Variants in COL4A1 observed in about 807,000 individuals in gnomAD.
The protein encoded by COL4A1 is collagen type IV alpha 1 chain, also known as collagen alpha-1(IV) chain.
Under a neutral mutation model 216.6 loss-of-function variants are expected in COL4A1, and 40 were observed. That is an observed-to-expected ratio of 0.18 (90% confidence interval 0.14 to 0.24). COL4A1 has a LOEUF of 0.24. COL4A1 is among the 10% of genes least tolerant of loss of function. The pLI is 1.00. For synonymous variants in COL4A1, 839 were observed against 810.7 expected (o/e 1.03, Z -0.59); for missense variants, 1,628 against 2,196.8 (o/e 0.74, Z 5.18).
At chr13:110,222,641 CG>C (rs1391561120) in intron 2 of COL4A1, among the ~76,000 whole-genome samples, 1 of 146,206 alleles carries the variant, frequency 6.8e-6, no homozygotes, top group Non-Finnish European at 1.5e-5. Flanking sequence ...GGTGTGGTGG[CG>C]GGCACCTGTA....
intron 1 of COL4A1, among the ~76,000 whole-genome samples, chr13:110,270,618 A>G (rs1187243900): frequency 1.3e-5 from 2 of 152,210 alleles, no homozygotes; most frequent in Non-Finnish European, 2.9e-5. Context: ...GCAGATGGGA[A>G]CGAGGTCTCT....
chr13:110,230,845 C>T (rs1029068435), intron 2 of COL4A1, among the ~76,000 whole-genome samples: 1 of 152,202 alleles, frequency 6.6e-6, no homozygotes, highest in African/African-American at 2.4e-5. Context: ...GGCCTCCAGC[C>T]GCCCGGAACC....
At chr13:110,150,577 C>G (rs1876455712) in intron 51 of COL4A1, 133 bp from the exon 52 acceptor site, 1 of 852,486 alleles carries the variant, frequency 1.2e-6, no homozygotes, top group South Asian at 1.4e-5. Flanking sequence ...CTGGTACCAC[C>G]CAGTGAGCAG....
At chr13:110,215,071 A>G (rs1341795627) in intron 2 of COL4A1, among the ~76,000 whole-genome samples, 3 of 152,184 alleles carry the variant, frequency 2.0e-5, no homozygotes, top group South Asian at 2.1e-4. Flanking sequence ...CGCTCAATCA[A>G]TGGAACTCTC....
At position 110,207,260 on chromosome 13, in the gene COL4A1, TG is replaced by T; in HGVS notation, c.780+142del. 1 of 772,536 alleles carries T rather than the reference TG, an allele frequency of 1.3e-6. No individual in the cohort carries two copies. The highest frequency in any genetic ancestry group is 2.2e-6 in the Non-Finnish European group (1 of 448,226). The allele number at this position is 772,536 out of a possible 1,614,324, so 47.9% of individuals were successfully genotyped here. ...TGCTCTCAAAGGGGCTCGTATTTTA[TG>T]GACTGAACAGTCTATAAATCTGTTT... On this transcript the variant is annotated intron_variant, in intron 13 of 51. Coordinates refer to ENST00000375820, the MANE Select transcript of COL4A1 (RefSeq NM_001845.6). The surrounding 1 kb of genome is among the most constrained non-coding windows in gnomAD (Gnocchi z 4.4).
chr13:110,264,972 T>C (rs758365095), intron 1 of COL4A1, among the ~76,000 whole-genome samples: 1 of 152,278 alleles, frequency 6.6e-6, no homozygotes, highest in Non-Finnish European at 1.5e-5. Flanking sequence ...TTTCTTCCCC[T>C]CCTTCCCTGT....
intron 2 of COL4A1, among the ~76,000 whole-genome samples, chr13:110,231,870 G>A (rs1353130368): frequency 6.6e-6 from 1 of 152,190 alleles, no homozygotes; most frequent in Admixed American, 6.5e-5. Flanking sequence ...ACCTAGGAGG[G>A]CAAATTAACC....
intron 1 of COL4A1, among the ~76,000 whole-genome samples, chr13:110,249,568 T>C (rs978960206): frequency 5.9e-5 from 9 of 152,086 alleles, no homozygotes; most frequent in Non-Finnish European, 1.3e-4. Flanking sequence ...CAAGATGACG[T>C]TGGATCCTGG....
Position 110,163,573 on chromosome 13 carries a change from GA to G in COL4A1, c.4151-13del, listed in dbSNP as rs1326277399. The G allele has an allele frequency of 6.2e-7, 1 of 1,609,496 alleles. No individual in the cohort carries two copies. Among genetic ancestry groups the G allele is most frequent in the Non-Finnish European group, 8.5e-7 (1 of 1,176,768 alleles). ...CAATCCTGTAACACCTGAGGCAGAG[GA>G]AAAATAATTTATGATCCTGTATGGC... is the stretch of plus-strand genomic sequence containing the variant. On this transcript the variant is annotated splice_polypyrimidine_tract_variant and intron_variant, in intron 46 of 51. Coordinates refer to ENST00000375820, the MANE Select transcript of COL4A1 (RefSeq NM_001845.6).
At chr13:110,218,783 T>C (rs899860874) in intron 2 of COL4A1, among the ~76,000 whole-genome samples, 1 of 152,174 alleles carries the variant, frequency 6.6e-6, no homozygotes, top group Non-Finnish European at 1.5e-5. Flanking sequence ...GGGACCACGA[T>C]GGCCCTGCTG....
intron 43 of COL4A1, among the ~76,000 whole-genome samples, 199 bp downstream of exon 43, chr13:110,169,430 C>A (rs1297024667): frequency 2.0e-5 from 3 of 149,414 alleles, no homozygotes; most frequent in South Asian, 4.3e-4. Context: ...TACTCTGATG[C>A]CAATAAAGAT....
chr13:110,208,440 G>A (rs1879619738), intron 12 of COL4A1, among the ~76,000 whole-genome samples: 1 of 152,044 alleles, frequency 6.6e-6, no homozygotes, highest in African/African-American at 2.4e-5. Flanking sequence ...GTGAGGGGCC[G>A]CTGCCCACCG....
intron 1 of COL4A1, among the ~76,000 whole-genome samples, chr13:110,257,253 C>T (rs1481731949): frequency 1.3e-5 from 2 of 152,110 alleles, no homozygotes; most frequent in African/African-American, 2.4e-5. Context: ...TACAGAATAA[C>T]GAACATGTGG....
intron 1 of COL4A1, among the ~76,000 whole-genome samples, chr13:110,254,614 T>G (rs1882429855): frequency 2.0e-5 from 3 of 152,196 alleles, no homozygotes; most frequent in Non-Finnish European, 4.4e-5. Context: ...GTAAAACCAG[T>G]GGTGGCAGTA....
At chr13:110,203,462 A>G in intron 18 of COL4A1, 104 bp downstream of exon 18, 1 of 1,310,176 alleles carries the variant, frequency 7.6e-7, no homozygotes. Flanking sequence ...GCTCTCACAG[A>G]CCCAGGGTCC....
intron 1 of COL4A1, among the ~76,000 whole-genome samples, chr13:110,248,000 C>T (rs1881905121): frequency 6.6e-6 from 1 of 152,092 alleles, no homozygotes; most frequent in South Asian, 2.1e-4. Context: ...AGACCTTTAA[C>T]ATCGCAGCTT....
At chr13:110,220,288 C>G (rs1880412657) in intron 2 of COL4A1, among the ~76,000 whole-genome samples, 1 of 152,072 alleles carries the variant, frequency 6.6e-6, no homozygotes, top group Non-Finnish European at 1.5e-5. Context: ...CCTAACCTAC[C>G]CAACATCATA....
rs1247270180 is a variant in COL4A1 at position 110,211,528 on chromosome 13, A to C, written c.468+119T>G. 3 of 898,190 alleles carry C rather than the reference A, an allele frequency of 3.3e-6. No individual in the cohort carries two copies. Among genetic ancestry groups the C allele is most frequent in the Non-Finnish European group, 5.2e-6 (3 of 578,372 alleles). 55.6% of individuals were successfully genotyped at this position (898,190 alleles called of 1,614,324 possible). On this transcript the variant is annotated intron_variant, in intron 8 of 51. Coordinates refer to ENST00000375820, the MANE Select transcript of COL4A1 (RefSeq NM_001845.6). This position sits in a 1 kb window ranked among gnomAD's most constrained non-coding sequence, Gnocchi z 4.3. ...CTTTTCATGTAACAGAGTTTAGGGA[A>C]GTGTGTTCAGAAACAATCGATCAGC...
chr13:110,189,470 T>A (rs1193453731), intron 24 of COL4A1, among the ~76,000 whole-genome samples: 1 of 152,208 alleles, frequency 6.6e-6, no homozygotes, highest in Non-Finnish European at 1.5e-5. Context: ...CATGGACGAC[T>A]ACCAGTGGTC....
Sources: gnomAD v4.1 joint callset for allele counts (sites outside exome capture counted in the v4.1 genomes callset) on GRCh38, gnomAD v4.1.1 for gene constraint, Gnocchi (gnomAD v3.1) non-coding constraint, MANE v1.5 for transcripts, NCBI Gene and HGNC (gene_info 2026-07-23, HGNC 2026-07-21) for gene names.